The following FAM227B variants were observed in gnomAD, a reference collection of about 807,000 sequenced individuals.
The protein encoded by FAM227B is family with sequence similarity 227 member B, also known as protein FAM227B.
FAM227B carries 88 observed loss-of-function variants against 73.8 expected under a neutral mutation model. The ratio of observed to expected loss-of-function variants is 1.19; its 90% CI spans 1.00 to 1.42. The LOEUF (loss-of-function observed/expected upper bound fraction) is 1.42, where lower values mean the gene tolerates loss of function less well. Ranked by LOEUF, FAM227B falls within the 40% of genes most tolerant of loss-of-function variation. FAM227B has a pLI of 0.00. For missense variants in FAM227B, 632 were observed against 590.9 expected (o/e 1.07, Z -0.72); for synonymous variants, 210 against 190.5 (o/e 1.10, Z -0.84).
At chr15:49,444,589 C>G (rs577207217) in intron 11 of FAM227B, among the ~76,000 whole-genome samples, 2 of 151,780 alleles carry the variant, frequency 1.3e-5, no homozygotes, top group East Asian at 3.9e-4. Flanking sequence ...TTATCTCAAG[C>G]TGAAATAACT....
chr15:49,591,351 T>C (rs1453323264), intron 3 of FAM227B, among the ~76,000 whole-genome samples: 34 of 148,040 alleles, frequency 2.3e-4, no homozygotes, highest in Admixed American at 2.3e-3. Context: ...ATTATAGGTG[T>C]GAGCCACCAC....
intron 11 of FAM227B, among the ~76,000 whole-genome samples, chr15:49,492,170 A>G (rs555515557): frequency 2.0e-5 from 3 of 152,030 alleles, no homozygotes; most frequent in South Asian, 2.1e-4. Flanking sequence ...TATACTTTTA[A>G]AAAATTCTGT....
intron 3 of FAM227B, among the ~76,000 whole-genome samples, chr15:49,600,666 A>G (rs987947070): frequency 6.6e-6 from 1 of 151,296 alleles, no homozygotes; most frequent in African/African-American, 2.4e-5. Context: ...AAAAAAAAAA[A>G]AAAATCCAGC....
chr15:49,580,302 C>T (rs1281078481), intron 5 of FAM227B, among the ~76,000 whole-genome samples: 1 of 152,204 alleles, frequency 6.6e-6, no homozygotes, highest in Non-Finnish European at 1.5e-5. Flanking sequence ...AGCCACTTGG[C>T]TGAGCGAGTG....
intron 11 of FAM227B, among the ~76,000 whole-genome samples, chr15:49,506,572 C>T (rs1447182870): frequency 6.6e-6 from 1 of 151,816 alleles, no homozygotes; most frequent in East Asian, 1.9e-4. Flanking sequence ...CAACACGTTG[C>T]AAAAGATCAT....
chr15:49,457,619 AAT>A (rs908089870), intron 11 of FAM227B, among the ~76,000 whole-genome samples: 2 of 151,988 alleles, frequency 1.3e-5, no homozygotes, highest in African/African-American at 4.8e-5. Flanking sequence ...AGACTTGAAA[AAT>A]GAGTCTATAA....
At chr15:49,517,140 A>C (rs11070700) in intron 10 of FAM227B, among the ~76,000 whole-genome samples, 47,081 of 152,122 alleles carry the variant, frequency 0.31, 7,771 homozygotes, top group African/African-American at 0.4. Flanking sequence ...CAACTTGTTA[A>C]AGCAGCAATA....
At chr15:49,604,064 T>A (rs2153314543) in intron 3 of FAM227B, among the ~76,000 whole-genome samples, 1 of 152,306 alleles carries the variant, frequency 6.6e-6, no homozygotes, top group Middle Eastern at 3.4e-3. Flanking sequence ...GTATAGTTAT[T>A]TTAAATATTT....
rs1322510700 is a variant in FAM227B, at chr15:49,573,676, C to T, written c.645+1335G>A. On this transcript the variant is annotated intron_variant, in intron 8 of 15. Coordinates refer to ENST00000299338, the MANE Select transcript of FAM227B (RefSeq NM_152647.3). ...TGCCGGTCCCTCTATCTTGGACTTC[C>T]CAGCCTACTGTGAGCCAATTCATTC... Among the ~76,000 whole-genome samples, 3 of 152,156 alleles carry T rather than the reference C, an allele frequency of 2.0e-5. No individual in the cohort carries two copies. In the East Asian group the frequency reaches 5.8e-4, roughly 29 times the overall value.
At chr15:49,575,817 C>G (rs192653302) in intron 7 of FAM227B, among the ~76,000 whole-genome samples, 2 of 152,208 alleles carry the variant, frequency 1.3e-5, no homozygotes, top group East Asian at 3.9e-4. Flanking sequence ...TCTTCCTAAG[C>G]AAACAATTAA....
intron 13 of FAM227B, among the ~76,000 whole-genome samples, chr15:49,354,708 T>C (rs1253364112): frequency 3.3e-5 from 5 of 152,074 alleles, no homozygotes; most frequent in Admixed American, 6.6e-5. Flanking sequence ...AACAAAACAG[T>C]CGGGAAGCTC....
intron 11 of FAM227B, among the ~76,000 whole-genome samples, chr15:49,376,998 T>G (rs1260967121): frequency 6.6e-6 from 1 of 152,002 alleles, no homozygotes; most frequent in African/African-American, 2.4e-5. Context: ...TTTTATTGTC[T>G]CCATTAATCA....
intron 5 of FAM227B, among the ~76,000 whole-genome samples, chr15:49,586,169 T>C (rs977149109): frequency 2.0e-5 from 3 of 152,066 alleles, no homozygotes; most frequent in African/African-American, 7.2e-5. Flanking sequence ...CCAAACAGCA[T>C]GGAACTGGTA....
chr15:49,541,682 G>C lies in FAM227B; in HGVS notation c.872C>G (p.Ser291Ter), dbSNP rs1303682808. Residue 291 changes from serine to a stop codon, truncating the protein, a stop_gained and splice_region_variant, in exon 10 of 16, where the codon TCA becomes TGA. Coordinates refer to ENST00000299338, the MANE Select transcript of FAM227B (RefSeq NM_152647.3). LOFTEE classifies it high-confidence loss of function. ...ATATTTAAATGATATATTCATACCT[G>C]AACACCAAAGAAAAATGTTATTCCC... ...DLGNNIFLWC[S>*]GLKPQKGFWI... The C allele has an allele frequency of 1.3e-6, 2 of 1,499,216 alleles. No homozygotes were observed. The highest frequency in any genetic ancestry group is 1.8e-6 in the Non-Finnish European group (2 of 1,127,208). The allele number at this position is 1,499,216 out of a possible 1,614,324, so 92.9% of individuals were successfully genotyped here.
At chr15:49,565,812 A>C (rs1429649822) in intron 9 of FAM227B, among the ~76,000 whole-genome samples, 1 of 152,190 alleles carries the variant, frequency 6.6e-6, no homozygotes, top group African/African-American at 2.4e-5. Context: ...CATGGGCTGT[A>C]AGTGTCCTTG....
At chr15:49,403,611 C>G (rs938816636) in intron 11 of FAM227B, among the ~76,000 whole-genome samples, 1 of 151,672 alleles carries the variant, frequency 6.6e-6, no homozygotes, top group African/African-American at 2.4e-5. Context: ...GGTAATATCC[C>G]CTTTGTCTTT....
At position 49,581,848 on chromosome 15, in the gene FAM227B, C is replaced by T. The variant is rs558491654; in HGVS notation, c.406-4184G>A. ...TATTTAAGTACATACACCAGTGACA[C>T]TAAAAAGTACCCACACAATCAAGTC... On this transcript the variant is annotated intron_variant, in intron 5 of 15. Transcript: ENST00000299338. 1.4e-4 allele frequency among the ~76,000 whole-genome samples: 21 copies of T among 152,252 alleles called. No individual in the cohort carries two copies. In the South Asian group the frequency reaches 4.4e-3, roughly 32 times the overall value.
intron 11 of FAM227B, among the ~76,000 whole-genome samples, chr15:49,451,992 G>T (rs1457994811): frequency 6.6e-6 from 1 of 152,004 alleles, no homozygotes; most frequent in Non-Finnish European, 1.5e-5. Flanking sequence ...CTCTCAATAT[G>T]ATATCTTATA....
At chr15:49,412,227 G>A in intron 11 of FAM227B, among the ~76,000 whole-genome samples, 1 of 151,892 alleles carries the variant, frequency 6.6e-6, no homozygotes, top group East Asian at 1.9e-4. Context: ...GTTCTTCTGG[G>A]CACTATAAAA....
Sources: allele counts gnomAD v4.1 joint callset (sites outside exome capture counted in the v4.1 genomes callset), GRCh38; gene constraint gnomAD v4.1.1; transcripts MANE v1.5; gene names NCBI Gene and HGNC (gene_info 2026-07-23, HGNC 2026-07-21).